The following PTPRK variants were observed in gnomAD, a reference collection of about 807,000 sequenced individuals.
The protein encoded by PTPRK is protein tyrosine phosphatase receptor type K.
PTPRK carries 75 observed loss-of-function variants against 178.0 expected under a neutral mutation model. That is an observed-to-expected ratio of 0.42 (90% CI 0.35 to 0.51). PTPRK has a LOEUF of 0.51. Among genes scored for constraint, PTPRK ranks in the 20% least tolerant of loss-of-function variants. The pLI is 0.02. For synonymous variants in PTPRK, 637 were observed against 620.6 expected, an observed-to-expected ratio of 1.03 and a Z score of -0.39; for missense variants, 1,441 against 1,797.8, an observed-to-expected ratio of 0.80 and a Z score of 3.59.
chr6:128,341,362 T>C (rs916564339), intron 2 of PTPRK, among the ~76,000 whole-genome samples: 4 of 152,222 alleles, frequency 2.6e-5, no homozygotes, highest in African/African-American at 9.6e-5. Flanking sequence ...ACATTGTAGT[T>C]TGAAAAGCAT....
intron 7 of PTPRK, among the ~76,000 whole-genome samples, chr6:128,122,505 CCT>C (rs539689263): frequency 6.6e-6 from 1 of 152,090 alleles, no homozygotes; most frequent in East Asian, 1.9e-4. Flanking sequence ...TCAATGTAAA[CCT>C]CTCTCTCTCA....
chr6:128,492,120 C>CCA (rs2128430099), intron 1 of PTPRK, among the ~76,000 whole-genome samples: 1 of 152,226 alleles, frequency 6.6e-6, no homozygotes, highest in African/African-American at 2.4e-5. Flanking sequence ...AACAAATTGC[C>CCA]ACATTCATCT....
chr6:128,437,792 G>A (rs1247336966), intron 1 of PTPRK, among the ~76,000 whole-genome samples: 1 of 152,210 alleles, frequency 6.6e-6, no homozygotes, highest in African/African-American at 2.4e-5. Context: ...CCGAGGTATA[G>A]CATAGCAAAT....
At chr6:128,457,960 A>G (rs1455531544) in intron 1 of PTPRK, among the ~76,000 whole-genome samples, 2 of 152,142 alleles carry the variant, frequency 1.3e-5, no homozygotes. Flanking sequence ...CCACAGTACT[A>G]TTAATGTTAA....
chr6:128,299,882 T>G (rs1361733690), intron 3 of PTPRK, among the ~76,000 whole-genome samples: 2 of 151,926 alleles, frequency 1.3e-5, no homozygotes, highest in Admixed American at 6.6e-5. Context: ...GGGATCTAAT[T>G]AAACTAAAGA....
At chr6:128,021,917 T>C (rs1314206324) in intron 13 of PTPRK, among the ~76,000 whole-genome samples, 1 of 152,200 alleles carries the variant, frequency 6.6e-6, no homozygotes, top group Non-Finnish European at 1.5e-5. Context: ...TTCTAAGAAT[T>C]ATATGAGATA....
chr6:128,180,121 A>C (rs926599650), intron 7 of PTPRK, among the ~76,000 whole-genome samples: 14 of 152,088 alleles, frequency 9.2e-5, no homozygotes, highest in Non-Finnish European at 1.9e-4. Context: ...GCAGTTCCAC[A>C]ATGGGTTACC....
chr6:128,011,363 T>C (rs958542079), intron 13 of PTPRK, among the ~76,000 whole-genome samples: 2 of 151,222 alleles, frequency 1.3e-5, no homozygotes, highest in Admixed American at 1.3e-4. Context: ...GAATTAAATG[T>C]TTCTGAAAAT....
chr6:128,504,735 T>A (rs370635186), intron 1 of PTPRK, among the ~76,000 whole-genome samples: 1 of 152,162 alleles, frequency 6.6e-6, no homozygotes, highest in South Asian at 2.1e-4. Context: ...CTAGTGCAAA[T>A]AGATTGAAAG....
At chr6:128,441,667 A>G (rs1846301040) in intron 1 of PTPRK, among the ~76,000 whole-genome samples, 2 of 152,340 alleles carry the variant, frequency 1.3e-5, no homozygotes, top group Non-Finnish European at 2.9e-5. Context: ...TAACAAAAGT[A>G]TAACACAGTC....
chr6:128,019,659 G>A (rs940667814), intron 13 of PTPRK, among the ~76,000 whole-genome samples: 4 of 152,000 alleles, frequency 2.6e-5, no homozygotes, highest in African/African-American at 9.7e-5. Flanking sequence ...CATGTACCTG[G>A]CACACTTCTA....
At chr6:128,424,671 G>C (rs917519400) in intron 1 of PTPRK, among the ~76,000 whole-genome samples, 1 of 152,122 alleles carries the variant, frequency 6.6e-6, no homozygotes, top group Non-Finnish European at 1.5e-5. Context: ...TCCAGAAAAG[G>C]GAAGAGCTTA....
intron 1 of PTPRK, among the ~76,000 whole-genome samples, chr6:128,463,666 T>C (rs1269838377): frequency 2.0e-5 from 3 of 151,810 alleles, no homozygotes; most frequent in African/African-American, 4.8e-5. Flanking sequence ...AAGTGAGAAA[T>C]TGAAGTATTT....
chr6:128,281,266 C>T (rs567705375), intron 3 of PTPRK, among the ~76,000 whole-genome samples: 9 of 152,208 alleles, frequency 5.9e-5, no homozygotes, highest in East Asian at 5.8e-4. Context: ...CCAAATAAAG[C>T]GAAGGCAGGA....
At chr6:128,259,372 T>C (rs1817835580) in intron 3 of PTPRK, among the ~76,000 whole-genome samples, 1 of 152,064 alleles carries the variant, frequency 6.6e-6, no homozygotes, top group South Asian at 2.1e-4. Flanking sequence ...AAATAGAATA[T>C]GAAGAGGAAA....
Position 128,154,321 on chromosome 6 carries a change from C to A in PTPRK, c.1162+30111G>T, listed in dbSNP as rs545709815. 5.3e-5 allele frequency among the ~76,000 whole-genome samples: 8 copies of A among 151,184 alleles called. No individual in the cohort carries two copies. In the East Asian group the frequency reaches 1.4e-3, roughly 26 times the overall value. ...GCATATAGCATCAGAATGGCAATAG[C>A]AAAAAAATTAGGAAAAAAATTGAGC... On this transcript the variant is annotated intron_variant, in intron 7 of 29. Transcript: ENST00000368226.
intron 14 of PTPRK, chr6:128,005,966 G>T: frequency 7.7e-7 from 1 of 1,292,018 alleles, no homozygotes; most frequent in Non-Finnish European, 1.0e-6. Flanking sequence ...TTTTGTTTTT[G>T]AAAAGGGATA....
chr6:128,220,587 T>C (rs1810216107), intron 5 of PTPRK, among the ~76,000 whole-genome samples: 2 of 152,170 alleles, frequency 1.3e-5, no homozygotes, highest in Admixed American at 6.6e-5. Context: ...GAAAATGATT[T>C]GTTACTATCT....
chr6:128,039,264 T>G (rs1431353389), intron 13 of PTPRK, among the ~76,000 whole-genome samples: 1 of 152,170 alleles, frequency 6.6e-6, no homozygotes, highest in Non-Finnish European at 1.5e-5. Flanking sequence ...TTTTCTTACT[T>G]GAAAATAAGT....
Sources: gnomAD v4.1 joint callset for allele counts (sites outside exome capture counted in the v4.1 genomes callset) on GRCh38, gnomAD v4.1.1 for gene constraint, MANE v1.5 for transcripts, NCBI Gene and HGNC (gene_info 2026-07-23, HGNC 2026-07-21) for gene names.